Variants in IRAG1 observed in about 807,000 individuals in gnomAD.
IRAG1 encodes the protein IP3R-associated cGMP kinase substrate.
Under a neutral mutation model 106.2 loss-of-function variants are expected in IRAG1, and 62 were observed. That is an observed-to-expected ratio of 0.58 (90% CI 0.48 to 0.72). The LOEUF is 0.72. Among genes scored for constraint, IRAG1 ranks in the 30% least tolerant of loss-of-function variants. IRAG1 has a pLI of 0.00. For missense variants in IRAG1, 1,064 were observed against 1,140.7 expected (o/e 0.93, Z 0.97); for synonymous variants, 462 against 443.9 (o/e 1.04, Z -0.51).
At chr11:10,603,336 G>A in intron 13 of IRAG1, 85 bp from the exon 14 acceptor site, 1 of 1,501,302 alleles carries the variant, frequency 6.7e-7, no homozygotes, top group East Asian at 2.3e-5. Flanking sequence ...CGGCCTCAGG[G>A]ACTGGTTTGG....
At chr11:10,630,615 C>T (rs543507603) in intron 4 of IRAG1, among the ~76,000 whole-genome samples, 1 of 152,226 alleles carries the variant, frequency 6.6e-6, no homozygotes, top group Non-Finnish European at 1.5e-5. Context: ...AGAGCCACAT[C>T]TGGCCATGCC....
intron 18 of IRAG1, among the ~76,000 whole-genome samples, chr11:10,591,226 C>T (rs1224519023): frequency 6.6e-6 from 1 of 152,160 alleles, no homozygotes; most frequent in Non-Finnish European, 1.5e-5. Context: ...AGCAGCTCTA[C>T]CTCTGGACTT....
At chr11:10,668,545 T>G (rs79671632) in intron 1 of IRAG1, among the ~76,000 whole-genome samples, 2,267 of 152,358 alleles carry the variant, frequency 0.015, 62 homozygotes, top group African/African-American at 0.052. Context: ...ATGGCTGTTT[T>G]CATGCTATGA....
intron 1 of IRAG1, among the ~76,000 whole-genome samples, chr11:10,655,600 C>T (rs1003603667): frequency 6.6e-6 from 1 of 152,154 alleles, no homozygotes; most frequent in Admixed American, 6.5e-5. Context: ...ACAAGGGTCA[C>T]AGGATTCCTA....
chr11:10,690,884 C>A (rs558419342), intron 1 of IRAG1, among the ~76,000 whole-genome samples: 35 of 152,344 alleles, frequency 2.3e-4, no homozygotes, highest in Admixed American at 2.0e-4. Context: ...GAGAACTCAG[C>A]TCTCCATCTC....
intron 1 of IRAG1, among the ~76,000 whole-genome samples, chr11:10,660,947 G>A (rs960211569): frequency 6.6e-6 from 1 of 152,168 alleles, no homozygotes; most frequent in Admixed American, 6.5e-5. Flanking sequence ...CTGAGTCACT[G>A]CAACAGCCTC....
chr11:10,609,181 ACCT>A (rs1854731147), intron 11 of IRAG1, among the ~76,000 whole-genome samples: 1 of 151,828 alleles, frequency 6.6e-6, no homozygotes, highest in African/African-American at 2.4e-5. Context: ...CCTTTCCTTG[ACCT>A]CCTACCCAAT....
At chr11:10,618,042 C>T (rs1355310858) in intron 10 of IRAG1, among the ~76,000 whole-genome samples, 1 of 152,186 alleles carries the variant, frequency 6.6e-6, no homozygotes, top group Non-Finnish European at 1.5e-5. Flanking sequence ...ATTAATTGGC[C>T]TTCAAAGCCT....
intron 1 of IRAG1, among the ~76,000 whole-genome samples, chr11:10,679,419 C>T (rs1264247613): frequency 2.0e-5 from 3 of 152,286 alleles, no homozygotes; most frequent in Admixed American, 6.5e-5. Flanking sequence ...GGCATATTTA[C>T]TCACTCAATC....
chr11:10,594,929 A>T (rs187869166), intron 15 of IRAG1, among the ~76,000 whole-genome samples: 11,584 of 151,878 alleles, frequency 0.076, 484 homozygotes, highest in Admixed American at 0.13. Context: ...TTCAAAAAAA[A>T]ATTTTTTTTT....
chr11:10,580,598 CA>C lies in IRAG1; in HGVS notation c.2361-10del, dbSNP rs756163026. On this transcript the variant is annotated splice_polypyrimidine_tract_variant and intron_variant, in intron 19 of 20. Coordinates refer to ENST00000423302, the MANE Select transcript of IRAG1 (RefSeq NM_130385.4). ...TTAGACCTTCTTGGAATCTGGGGGG[CA>C]AAAAGGAACAGTTGAGTCTGGAAAG... 1.2e-6 allele frequency: 2 copies of C among 1,607,640 alleles called. No homozygotes were observed. The highest frequency in any genetic ancestry group is 1.7e-6 in the Non-Finnish European group (2 of 1,178,158).
At chr11:10,624,999 TAGG>T (rs1856126591) in intron 9 of IRAG1, among the ~76,000 whole-genome samples, 2 of 152,152 alleles carry the variant, frequency 1.3e-5, no homozygotes, top group South Asian at 4.1e-4. Context: ...TCTTTCTGAC[TAGG>T]AGGAGTTTTG....
At chr11:10,620,852 G>A (rs1340104635) in intron 10 of IRAG1, among the ~76,000 whole-genome samples, 3 of 152,008 alleles carry the variant, frequency 2.0e-5, no homozygotes, top group Admixed American at 6.6e-5. Context: ...AACAACTAAC[G>A]GTCCATAATT....
intron 15 of IRAG1, 24 bp from the exon 16 acceptor site, chr11:10,594,219 G>A (rs755578707): frequency 6.2e-6 from 10 of 1,602,598 alleles, no homozygotes; most frequent in Non-Finnish European, 8.5e-6. Context: ...GAGCAGAGAA[G>A]AGAACACAGG....
chr11:10,686,435 A>T (rs926811019), intron 1 of IRAG1, among the ~76,000 whole-genome samples: 1 of 152,158 alleles, frequency 6.6e-6, no homozygotes, highest in Non-Finnish European at 1.5e-5. Flanking sequence ...TTTTCCTTCT[A>T]AATAGAGGAA....
chr11:10,644,223 G>A (rs1370768916), intron 2 of IRAG1, among the ~76,000 whole-genome samples: 1 of 152,206 alleles, frequency 6.6e-6, no homozygotes, highest in Non-Finnish European at 1.5e-5. Context: ...AGCACAGCTA[G>A]GTGATCTTTG....
rs1554935706 is a variant in IRAG1, at chr11:10,680,401, G to GAAAAA, written c.67+13134_67+13135insTTTTT. On this transcript the variant is annotated intron_variant, in intron 1 of 20. Coordinates refer to ENST00000423302, the MANE Select transcript of IRAG1 (RefSeq NM_130385.4). ...GGAAGGAAGGAAGGAAGGAAGGAAG[G>GAAAAA]AAGGAAAGAAAGGGAAAGAAAGAAA... 2.4e-5 allele frequency among the ~76,000 whole-genome samples: 3 copies of GAAAAA among 123,922 alleles called. No homozygotes were observed. In the East Asian group the frequency reaches 7.2e-4, roughly 30 times the overall value. The allele number at this position is 123,922 out of a possible 152,430, so 81.3% of individuals were successfully genotyped here. A position where few individuals can be genotyped will look rare whatever the true frequency, so the allele number is the denominator to read the frequency against.
chr11:10,616,518 CAAAAACAAAAAACA>C (rs529210529), intron 10 of IRAG1, among the ~76,000 whole-genome samples: 78 of 151,728 alleles, frequency 5.1e-4, no homozygotes, highest in South Asian at 1.7e-3. Flanking sequence ...CATACCAAAG[CAAAAACAAAAAACA>C]AAAAACAAAA....
At chr11:10,606,028 C>T (rs1854443133) in intron 12 of IRAG1, among the ~76,000 whole-genome samples, 1 of 152,186 alleles carries the variant, frequency 6.6e-6, no homozygotes, top group South Asian at 2.1e-4. Context: ...TGGTTAGGAT[C>T]AGCTGAAAGG....
Sources: gnomAD v4.1 joint callset for allele counts (sites outside exome capture counted in the v4.1 genomes callset) on GRCh38, gnomAD v4.1.1 for gene constraint, MANE v1.5 for transcripts, NCBI Gene and HGNC (gene_info 2026-07-23, HGNC 2026-07-21) for gene names.